Variants in CDH12 observed in about 807,000 individuals in gnomAD.
CDH12 encodes the protein cadherin-12.
Under a neutral mutation model 74.1 loss-of-function variants are expected in CDH12, and 41 were observed. The observed-to-expected ratio is 0.55, with a 90% CI of 0.43 to 0.72. The LOEUF (loss-of-function observed/expected upper bound fraction) is 0.72, where lower values mean the gene tolerates loss of function less well. CDH12 is among the 30% of genes least tolerant of loss of function. The probability of loss-of-function intolerance (pLI) is 0.00; values close to 1 mark genes in which losing one functional copy is unlikely to be tolerated. For synonymous variants in CDH12, 399 were observed against 355.0 expected (o/e 1.12, Z -1.39); for missense variants, 945 against 977.2 (o/e 0.97, Z 0.44).
intron 1 of CDH12, among the ~76,000 whole-genome samples, chr5:22,592,050 A>G (rs904584983): frequency 1.3e-5 from 2 of 152,294 alleles, no homozygotes; most frequent in African/African-American, 4.8e-5. Flanking sequence ...CATGCAGTCA[A>G]TATAAACCTT....
At chr5:22,642,252 G>A (rs1739190505) in intron 1 of CDH12, among the ~76,000 whole-genome samples, 1 of 152,176 alleles carries the variant, frequency 6.6e-6, no homozygotes, top group Non-Finnish European at 1.5e-5. Flanking sequence ...AAGATTAGCT[G>A]TCTTGAGCTA....
intron 1 of CDH12, among the ~76,000 whole-genome samples, chr5:22,742,811 C>T (rs943274552): frequency 6.6e-6 from 1 of 151,484 alleles, no homozygotes; most frequent in African/African-American, 2.4e-5. Context: ...TATTTGCATT[C>T]CACTATGTGG....
chr5:22,123,659 T>C (rs192797631), intron 4 of CDH12, among the ~76,000 whole-genome samples: 69 of 152,328 alleles, frequency 4.5e-4, no homozygotes, highest in African/African-American at 1.6e-3. Context: ...ATTTTAAAAC[T>C]TTGAAAAGAA....
chr5:22,490,568 G>GAA (rs138032527), intron 2 of CDH12, among the ~76,000 whole-genome samples: 13 of 140,604 alleles, frequency 9.2e-5, no homozygotes, highest in Admixed American at 7.7e-4. Context: ...AGATGAAAAT[G>GAA]AAAAAAAAAA....
chr5:22,468,139 T>G (rs1745808522), intron 2 of CDH12, among the ~76,000 whole-genome samples: 1 of 152,200 alleles, frequency 6.6e-6, no homozygotes, highest in South Asian at 2.1e-4. Flanking sequence ...GAGAAGAGTC[T>G]TTGGTTCTTT....
intron 5 of CDH12, among the ~76,000 whole-genome samples, chr5:21,988,707 G>GT (rs1231706955): frequency 6.6e-6 from 1 of 152,024 alleles, no homozygotes; most frequent in Non-Finnish European, 1.5e-5. Context: ...GCCATGAGGA[G>GT]TTTGTCAGTC....
chr5:22,126,930 G>A (rs1159800198), intron 4 of CDH12, among the ~76,000 whole-genome samples: 1 of 152,078 alleles, frequency 6.6e-6, no homozygotes, highest in East Asian at 1.9e-4. Flanking sequence ...ATTCATTCCC[G>A]TGTTAAAATA....
intron 4 of CDH12, among the ~76,000 whole-genome samples, chr5:22,169,826 C>T (rs955623551): frequency 6.6e-6 from 1 of 151,870 alleles, no homozygotes; most frequent in Non-Finnish European, 1.5e-5. Flanking sequence ...TAAAATAGTA[C>T]ATTAACTTGT....
At chr5:22,036,393 T>C (rs1561044226) in intron 5 of CDH12, among the ~76,000 whole-genome samples, 2 of 152,088 alleles carry the variant, frequency 1.3e-5, no homozygotes, top group South Asian at 2.1e-4. Context: ...GACAACATGA[T>C]GAGATAATCC....
In CDH12 at chr5:22,046,580, G is replaced by A. The variant is rs149619933; in HGVS notation, c.231+31866C>T. Among the ~76,000 whole-genome samples the A allele has an allele frequency of 1.2e-3, 181 of 151,734 alleles. 1 individual carries two copies. The highest frequency in any genetic ancestry group is 4.1e-3 in the African/African-American group (169 of 41,370). On this transcript the variant is annotated intron_variant, in intron 5 of 14. Coordinates refer to ENST00000382254, the MANE Select transcript of CDH12 (RefSeq NM_004061.5). ...CGGTCATTTAATTTCTTAATGCTCT[G>A]TTGTTTTTCTTAATCTATAATGTGA...
chr5:22,200,603 T>A (rs954811863), intron 4 of CDH12, among the ~76,000 whole-genome samples: 1 of 152,322 alleles, frequency 6.6e-6, no homozygotes, highest in African/African-American at 2.4e-5. Flanking sequence ...TTTCAGTGGT[T>A]ACTACCATGA....
chr5:22,001,471 T>C (rs1332866304), intron 5 of CDH12, among the ~76,000 whole-genome samples: 1 of 152,164 alleles, frequency 6.6e-6, no homozygotes, highest in African/African-American at 2.4e-5. Context: ...TTTTGGGGCT[T>C]TTTAGGAAAA....
chr5:21,906,290 C>T lies in CDH12; in HGVS notation c.527-51500G>A, dbSNP rs114973212. Reference sequence around the variant, plus strand: ...TTTTAGGGTTCTGGACATATGTATTCATTGAGCAGACTTTTGTTTTTATAG... The same window carrying T: ...TTTTAGGGTTCTGGACATATGTATTTATTGAGCAGACTTTTGTTTTTATAG... On this transcript the variant is annotated intron_variant, in intron 6 of 14. Coordinates refer to ENST00000382254, the MANE Select transcript of CDH12 (RefSeq NM_004061.5). Among the ~76,000 whole-genome samples, 857 of 152,178 alleles carry T rather than the reference C, an allele frequency of 5.6e-3. 7 individuals carry two copies. Among genetic ancestry groups the T allele is most frequent in the African/African-American group, 0.02 (811 of 41,518 alleles).
chr5:22,037,491 A>G (rs1739271666), intron 5 of CDH12, among the ~76,000 whole-genome samples: 1 of 152,192 alleles, frequency 6.6e-6, no homozygotes. Flanking sequence ...AATCCCTCCA[A>G]GAGGCCCCAG....
chr5:21,828,691 C>T lies in CDH12; in HGVS notation c.815-11559G>A, dbSNP rs540834052. On this transcript the variant is annotated intron_variant, in intron 8 of 14. Transcript: ENST00000382254. ...ATGGTTTACATTTTCTGTCTTTTCC[C>T]GCATTTTATTTTTTTAATATTTTCT... Among the ~76,000 whole-genome samples the T allele has an allele frequency of 5.9e-5, 9 of 152,004 alleles. No homozygotes were observed. The South Asian group carries it at 1.0e-3, about 18-fold the overall frequency.
At chr5:21,777,887 A>G (rs976134066) in intron 11 of CDH12, among the ~76,000 whole-genome samples, 1 of 152,226 alleles carries the variant, frequency 6.6e-6, no homozygotes, top group African/African-American at 2.4e-5. Context: ...TATACATTGT[A>G]GAATGAGTAA....
At chr5:22,219,735 A>G (rs1751945570) in intron 3 of CDH12, among the ~76,000 whole-genome samples, 1 of 151,698 alleles carries the variant, frequency 6.6e-6, no homozygotes, top group South Asian at 2.1e-4. Flanking sequence ...GATTGCAATG[A>G]CACACCAGCA....
intron 12 of CDH12, 148 bp from the exon 13 acceptor site, chr5:21,760,823 G>A: frequency 1.6e-6 from 1 of 634,134 alleles, no homozygotes; most frequent in Non-Finnish European, 2.8e-6. Flanking sequence ...TACACATAAT[G>A]TTTATAAACA....
chr5:21,807,618 C>T lies in CDH12; in HGVS notation c.1003-5198G>A, dbSNP rs144778801. Among the ~76,000 whole-genome samples, 505 of 152,222 alleles carry T rather than the reference C, an allele frequency of 3.3e-3. 2 individuals are homozygous for T. The highest frequency in any genetic ancestry group is 0.012 in the African/African-American group (480 of 41,546). ...AGCTACCTGGGCTCTTCCAGGGCTC[C>T]TCATGCTTCCAGATAATGTTGAGTG... is the stretch of plus-strand genomic sequence containing the variant. On this transcript the variant is annotated intron_variant, in intron 9 of 14. Coordinates refer to ENST00000382254, the MANE Select transcript of CDH12 (RefSeq NM_004061.5).
Sources: allele counts gnomAD v4.1 joint callset (sites outside exome capture counted in the v4.1 genomes callset), GRCh38; gene constraint gnomAD v4.1.1; transcripts MANE v1.5; gene names NCBI Gene and HGNC (gene_info 2026-07-23, HGNC 2026-07-21).